CD300LF: variants seen among roughly 807,000 people sequenced by gnomAD.
The protein encoded by CD300LF is CD300 molecule like family member f, also known as CMRF35-like molecule 1.
Under a neutral mutation model 32.2 loss-of-function variants are expected in CD300LF, and 27 were observed. That is an observed-to-expected ratio of 0.84 (90% CI 0.62 to 1.15). CD300LF has a LOEUF of 1.15. CD300LF is among the 50% of genes most tolerant of loss of function. The pLI is 0.00. For missense variants in CD300LF, 348 were observed against 356.8 expected, an observed-to-expected ratio of 0.98 and a Z score of 0.20; for synonymous variants, 139 against 143.2, an observed-to-expected ratio of 0.97 and a Z score of 0.21.
At chr17:74,709,716 G>T (rs776756020) in intron 1 of CD300LF, among the ~76,000 whole-genome samples, 11 of 151,782 alleles carry the variant, frequency 7.2e-5, no homozygotes, top group Non-Finnish European at 1.6e-4. Context: ...CAGGACCACA[G>T]GCATGCACCA....
At chr17:74,703,250 A>C in intron 2 of CD300LF, 152 bp from the exon 3 acceptor site, 1 of 813,592 alleles carries the variant, frequency 1.2e-6, no homozygotes, top group Non-Finnish European at 2.0e-6. Flanking sequence ...CTGGACTGCT[A>C]CTATGGGAAG....
At chr17:74,704,930 G>A (rs1405569054) in intron 1 of CD300LF, 114 bp from the exon 2 acceptor site, 1 of 829,422 alleles carries the variant, frequency 1.2e-6, no homozygotes, top group Non-Finnish European at 1.9e-6. Context: ...AACAGTCAAG[G>A]AAGAAATACA....
intron 3 of CD300LF, among the ~76,000 whole-genome samples, chr17:74,701,847 C>CA (rs11321122): frequency 0.026 from 2,222 of 86,554 alleles, 34 homozygotes; most frequent in Non-Finnish European, 0.041. Context: ...GAGAATCCGT[C>CA]AAAAAAAAAA....
At position 74,708,758 on chromosome 17, in the gene CD300LF, T is replaced by A. The variant is rs562054559; in HGVS notation, c.44-3942A>T. 7.5e-3 allele frequency among the ~76,000 whole-genome samples: 1,136 copies of A among 151,648 alleles called. 16 individuals are homozygous for A. Among genetic ancestry groups the A allele is most frequent in the African/African-American group, 0.026 (1,062 of 41,328 alleles). Reference sequence around the variant, plus strand: ...GGTGAAACCCTGTCTCTACTAAAAATACAAAAAATTAGCCAGGCGTGGTGG... The same window carrying A: ...GGTGAAACCCTGTCTCTACTAAAAAAACAAAAAATTAGCCAGGCGTGGTGG... On this transcript the variant is annotated intron_variant, in intron 1 of 6. Transcript: ENST00000326165.
chr17:74,698,829 T>C (rs2032768799), intron 3 of CD300LF, among the ~76,000 whole-genome samples: 1 of 152,182 alleles, frequency 6.6e-6, no homozygotes, highest in South Asian at 2.1e-4. Context: ...AATTTACCGA[T>C]ATAACAAATC....
At chr17:74,703,278 A>T (rs2033228575) in intron 2 of CD300LF, 180 bp from the exon 3 acceptor site, 4 of 650,434 alleles carry the variant, frequency 6.1e-6, no homozygotes, top group Non-Finnish European at 5.3e-6. Context: ...AGCCTGGACC[A>T]CTCATGTCTC....
At chr17:74,700,170 A>G (rs1253512268) in intron 3 of CD300LF, among the ~76,000 whole-genome samples, 1 of 133,402 alleles carries the variant, frequency 7.5e-6, no homozygotes, top group African/African-American at 2.6e-5. Context: ...TAAATAAATA[A>G]ACAAACAAAC....
chr17:74,699,397 G>A (rs759989275), intron 3 of CD300LF, among the ~76,000 whole-genome samples: 8 of 152,172 alleles, frequency 5.3e-5, no homozygotes, highest in Admixed American at 2.0e-4. Flanking sequence ...ACTCAGACCC[G>A]TGAATGTGAC....
At chr17:74,697,632 T>C (rs2032624410) in intron 4 of CD300LF, among the ~76,000 whole-genome samples, 1 of 152,126 alleles carries the variant, frequency 6.6e-6, no homozygotes, top group African/African-American at 2.4e-5. Flanking sequence ...AGAGGTACAA[T>C]TGTGTGAGAA....
At chr17:74,706,917 G>C (rs2033568186) in intron 1 of CD300LF, among the ~76,000 whole-genome samples, 1 of 152,140 alleles carries the variant, frequency 6.6e-6, no homozygotes, top group African/African-American at 2.4e-5. Flanking sequence ...AACAGTGCTG[G>C]GAAAACTCGA....
intron 4 of CD300LF, 90 bp downstream of exon 4, chr17:74,698,279 T>G: frequency 1.1e-6 from 1 of 921,260 alleles, no homozygotes; most frequent in Non-Finnish European, 1.7e-6. Context: ...CCTGATTGTG[T>G]GGGTAATCCC....
At chr17:74,698,731 G>T in intron 3 of CD300LF, 1 of 899,416 alleles carries the variant, frequency 1.1e-6, no homozygotes, top group Non-Finnish European at 1.6e-6. Flanking sequence ...AGGAAGCAAA[G>T]AATCAAAAAA....
chr17:74,700,248 G>A (rs561901679), intron 3 of CD300LF, among the ~76,000 whole-genome samples: 9 of 152,086 alleles, frequency 5.9e-5, no homozygotes, highest in African/African-American at 1.9e-4. Flanking sequence ...CATGAAAATG[G>A]CCAGGGCTGA....
In CD300LF at chr17:74,712,842, G is replaced by A. The variant is rs1470043669; in HGVS notation, c.25C>T (p.Leu9Phe). The stretch of plus-strand genomic sequence containing the variant: ...CGCTCACCTGAGAGCCAGAAGAGGA[G>A]CAGGTAGAGTGTCAGCAGGGGCATC... MPLLTLYLLLFWLSGYSIV... is the reference protein window; with the variant it reads MPLLTLYLFLFWLSGYSIV... The change falls in exon 1 of 7, where the codon CTC becomes TTC. Residue 9 changes from leucine (L) to phenylalanine (F), a missense_variant. Transcript: ENST00000326165. 1.9e-6 allele frequency: 3 copies of A among 1,613,956 alleles called. No individual in the cohort carries two copies. Among genetic ancestry groups the A allele is most frequent in the African/African-American group, 1.3e-5 (1 of 74,894 alleles).
Position 74,695,106 on chromosome 17 carries a change from C to A in CD300LF, c.863G>T (p.Ser288Ile). The change falls in exon 7 of 7, where the codon AGC (serine) becomes ATC (isoleucine). Residue 288 changes from serine to isoleucine, a missense_variant. Physicochemically the swap from Ser to Ile is moderately radical, Grantham distance 142. Transcript: ENST00000326165. ...AGCCTGGAGTGCAGGCTAAGGCCTG[C>A]TGATGGTGCTGTATTCCGTGGGCTC... ...PEEPTEYSTI[S>I]RP 6.2e-7 allele frequency: 1 copy of A among 1,613,606 alleles called. No individual in the cohort carries two copies.
At chr17:74,704,993 C>G (rs902318006) in intron 1 of CD300LF, among the ~76,000 whole-genome samples, 177 bp from the exon 2 acceptor site, 6 of 152,140 alleles carry the variant, frequency 3.9e-5, no homozygotes, top group African/African-American at 1.4e-4. Context: ...TCAAAGCCAC[C>G]AGGAAAATCA....
intron 1 of CD300LF, among the ~76,000 whole-genome samples, chr17:74,706,538 C>T (rs2033533568): frequency 1.3e-5 from 2 of 152,028 alleles, no homozygotes; most frequent in Admixed American, 6.6e-5. Context: ...CATGATGGCA[C>T]ATGCCTGTAA....
chr17:74,708,882 C>G (rs2033742998), intron 1 of CD300LF, among the ~76,000 whole-genome samples: 1 of 150,248 alleles, frequency 6.7e-6, no homozygotes, highest in Non-Finnish European at 1.5e-5. Context: ...CGCCACTGCA[C>G]TCCAGCCTGG....
intron 3 of CD300LF, among the ~76,000 whole-genome samples, chr17:74,701,177 T>TA (rs2033020029): frequency 6.6e-6 from 1 of 152,242 alleles, no homozygotes; most frequent in Non-Finnish European, 1.5e-5. Context: ...ATATAAGGAT[T>TA]ATCTCCTTCA....
Sources: gnomAD v4.1 joint callset for allele counts (sites outside exome capture counted in the v4.1 genomes callset) on GRCh38, gnomAD v4.1.1 for gene constraint, MANE v1.5 for transcripts, NCBI Gene and HGNC (gene_info 2026-07-23, HGNC 2026-07-21) for gene names.